The following MRPL36 variants were observed in gnomAD, a reference collection of about 807,000 sequenced individuals.
MRPL36 encodes mitochondrial ribosomal protein L36, also known as large ribosomal subunit protein bL36m.
Under a neutral mutation model 2.8 loss-of-function variants are expected in MRPL36, and 1 was observed. The observed-to-expected ratio is 0.36, with a 90% confidence interval of 0.13 to 1.69. The LOEUF is 1.69. Among genes scored for constraint, MRPL36 ranks in the 40% most tolerant of loss-of-function variants. MRPL36 has a pLI of 0.35. For synonymous variants in MRPL36, 68 were observed against 54.8 expected, an observed-to-expected ratio of 1.24 and a Z score of -1.06; for missense variants, 148 against 132.7, an observed-to-expected ratio of 1.12 and a Z score of -0.57.
Position 1,798,838 on chromosome 5 carries a change from G to A in MRPL36, c.98C>T (p.Ser33Phe), listed in dbSNP as rs1733930732. ...AGCCACGGGGGCTGCACCTCGAATGGATCCAAATAGAAATGTGGAGAGGGC... is the reference window on the plus strand; with the variant it reads ...AGCCACGGGGGCTGCACCTCGAATGAATCCAAATAGAAATGTGGAGAGGGC... ...PRALSTFLFG[S>F]IRGAAPVAVE... is the part of the protein sequence containing the mutation. Residue 33 changes from serine to phenylalanine, a missense_variant, in exon 2 of 2, where the codon TCC becomes TTC. Transcript: ENST00000505059. 18 of 1,613,940 alleles carry A rather than the reference G, an allele frequency of 1.1e-5. No homozygotes were observed. Among genetic ancestry groups the A allele is most frequent in the Middle Eastern group, 3.3e-4 (2 of 6,084 alleles).
upstream of MRPL36, among the ~76,000 whole-genome samples, chr5:1,801,081 T>A (rs539383719): frequency 6.6e-6 from 1 of 152,340 alleles, no homozygotes; most frequent in East Asian, 1.9e-4. Flanking sequence ...CGCACACCAT[T>A]GCCTGCCTCA....
chr5:1,800,532 GC>G (rs1189348797), upstream of MRPL36, among the ~76,000 whole-genome samples: 94 of 152,298 alleles, frequency 6.2e-4, 1 homozygote, highest in African/African-American at 2.2e-3. Flanking sequence ...GGACAAATCT[GC>G]CTCTGACCAC....
chr5:1,798,504 G>A lies in MRPL36; in HGVS notation c.*120C>T. 1.1e-6 allele frequency: 1 copy of A among 893,500 alleles called. No homozygotes were observed. Among genetic ancestry groups the A allele is most frequent in the Middle Eastern group, 2.3e-4 (1 of 4,300 alleles). 55.3% of individuals were successfully genotyped at this position (893,500 alleles called of 1,614,324 possible). A position where few individuals can be genotyped will look rare whatever the true frequency, so the allele number is the denominator to read the frequency against. On this transcript the variant is annotated 3_prime_UTR_variant, in exon 2 of 2. Transcript: ENST00000505059. ...CTGAAACGTGATGGGTAACTTTTAG[G>A]GCGTTTGCTTCCAGTCACTTTCCCC...
chr5:1,800,090 C>G (rs950215314), upstream of MRPL36, among the ~76,000 whole-genome samples: 1 of 152,226 alleles, frequency 6.6e-6, no homozygotes, highest in Non-Finnish European at 1.5e-5. Context: ...ATTACAACCA[C>G]TTAGGCCTTA....
chr5:1,801,286 A>T (rs1579936454), upstream of MRPL36: 3 of 1,345,572 alleles, frequency 2.2e-6, no homozygotes, highest in Non-Finnish European at 3.0e-6. Context: ...GCTCCGGCGC[A>T]CCCTCTGCCC....
At position 1,798,500 on chromosome 5, in the gene MRPL36, T is replaced by C; in HGVS notation, c.*124A>G. 1.1e-6 allele frequency: 1 copy of C among 871,466 alleles called. No individual in the cohort carries two copies. The highest frequency in any genetic ancestry group is 2.8e-5 in the Admixed American group (1 of 36,290). 54.0% of individuals were successfully genotyped at this position (871,466 alleles called of 1,614,324 possible). On this transcript the variant is annotated 3_prime_UTR_variant, in exon 2 of 2. Coordinates refer to ENST00000505059, the MANE Select transcript of MRPL36 (RefSeq NM_032479.4). ...TACACTGAAACGTGATGGGTAACTTTTAGGGCGTTTGCTTCCAGTCACTTT... is the reference window on the plus strand; with the variant it reads ...TACACTGAAACGTGATGGGTAACTTCTAGGGCGTTTGCTTCCAGTCACTTT...
chr5:1,800,970 T>C (rs1167528419), upstream of MRPL36, among the ~76,000 whole-genome samples: 1 of 152,212 alleles, frequency 6.6e-6, no homozygotes, highest in African/African-American at 2.4e-5. Flanking sequence ...CTCATGATTA[T>C]CGGTTACCAT....
rs201364735 is a variant in MRPL36 at position 1,798,593 on chromosome 5, G to A, written c.*31C>T. 114 of 1,570,060 alleles carry A rather than the reference G, an allele frequency of 7.3e-5. 1 individual carries two copies. The East Asian group carries it at 1.3e-3, about 18-fold the overall frequency. The stretch of plus-strand genomic sequence containing the variant: ...CCATTCTCCCAAGTGATGCGATGAC[G>A]AGTATGTGCGTGACTCTGGAGGGAA... On this transcript the variant is annotated 3_prime_UTR_variant, in exon 2 of 2. Coordinates refer to ENST00000505059, the MANE Select transcript of MRPL36 (RefSeq NM_032479.4).
Position 1,798,545 on chromosome 5 carries a change from A to G in MRPL36, c.*79T>C, listed in dbSNP as rs916603610. 4 of 1,435,614 alleles carry G rather than the reference A, an allele frequency of 2.8e-6. No homozygotes were observed. Among genetic ancestry groups the G allele is most frequent in the East Asian group, 2.3e-5 (1 of 43,436 alleles). The allele number at this position is 1,435,614 out of a possible 1,614,324, so 88.9% of individuals were successfully genotyped here. Reference sequence around the variant, plus strand: ...CACTTTCCCCTGACTCCTTGATGTGATAATTCCTTCCATAAGATACAACCA... The same window carrying G: ...CACTTTCCCCTGACTCCTTGATGTGGTAATTCCTTCCATAAGATACAACCA... On this transcript the variant is annotated 3_prime_UTR_variant, in exon 2 of 2. Coordinates refer to ENST00000505059, the MANE Select transcript of MRPL36 (RefSeq NM_032479.4).
chr5:1,798,995 C>T (rs982348993), intron 1 of MRPL36, 48 bp from the exon 2 acceptor site: 2 of 1,425,922 alleles, frequency 1.4e-6, no homozygotes, highest in South Asian at 1.4e-5. Flanking sequence ...TGCACTTCCA[C>T]CTGCTCTTTA....
Position 1,798,467 on chromosome 5 carries a change from T to A in MRPL36, c.*157A>T. On this transcript the variant is annotated 3_prime_UTR_variant, in exon 2 of 2. Coordinates refer to ENST00000505059, the MANE Select transcript of MRPL36 (RefSeq NM_032479.4). ...AAGATAACGCAATGTCTTCTATAGT[T>A]ACTCATTTACACTGAAACGTGATGG... 1.5e-6 allele frequency: 1 copy of A among 660,252 alleles called. No homozygotes were observed. The highest frequency in any genetic ancestry group is 2.0e-5 in the South Asian group (1 of 49,096). The allele number at this position is 660,252 out of a possible 1,614,324, so 40.9% of individuals were successfully genotyped here.
chr5:1,798,609 C>A lies in MRPL36; in HGVS notation c.*15G>T. ...TGCGATGACGAGTATGTGCGTGACT[C>A]TGGAGGGAAAGGGTCTACATCTGTC... On this transcript the variant is annotated 3_prime_UTR_variant, in exon 2 of 2. Transcript: ENST00000505059. 1 of 1,593,872 alleles carries A rather than the reference C, an allele frequency of 6.3e-7. No individual in the cohort carries two copies. Among genetic ancestry groups the A allele is most frequent in the Non-Finnish European group, 8.6e-7 (1 of 1,163,918 alleles).
chr5:1,799,247 T>G (rs1561099293), intron 1 of MRPL36: 2 of 267,528 alleles, frequency 7.5e-6, no homozygotes, highest in East Asian at 1.5e-4. Context: ...GGAGGGAGCT[T>G]AAACTTAGGC....
In MRPL36 at chr5:1,798,884, G is replaced by A. The variant is rs755315244; in HGVS notation, c.52C>T (p.Arg18Cys). The change falls in exon 2 of 2, where the codon CGT becomes TGT. Residue 18 changes from arginine to cysteine, a missense_variant. Coordinates refer to ENST00000505059, the MANE Select transcript of MRPL36 (RefSeq NM_032479.4). Reference protein sequence around the residue: ...KMVNPLLYLSRHTVKPRALST... With the variant: ...KMVNPLLYLSCHTVKPRALST... ...AGGGCTCGAGGCTTCACCGTGTGAC[G>A]ACTGAGATAGAGCAGAGGGTTCACC... 4.3e-6 allele frequency: 7 copies of A among 1,611,810 alleles called. No individual in the cohort carries two copies. In the Admixed American group the frequency reaches 6.7e-5, roughly 15 times the overall value.
At chr5:1,801,323 G>A (rs1249853963), upstream of MRPL36, 3 of 1,487,754 alleles carry the variant, frequency 2.0e-6, no homozygotes, top group Non-Finnish European at 2.7e-6. Context: ...CCCCCAGGGC[G>A]AAATAAATAC....
Position 1,798,961 on chromosome 5 carries a change from A to G in MRPL36, c.-12-14T>C, listed in dbSNP as rs115383505. 1.5e-3 allele frequency: 2,323 copies of G among 1,535,944 alleles called. 41 individuals carry two copies. The African/African-American group carries it at 0.029, about 19-fold the overall frequency. On this transcript the variant is annotated splice_polypyrimidine_tract_variant and intron_variant, in intron 1 of 1. Coordinates refer to ENST00000505059, the MANE Select transcript of MRPL36 (RefSeq NM_032479.4). ...GTTGTGGTGAATCTATGGGAGAGAG[A>G]AAAAAAGGAGTTATAGCTTCTCCTG...
upstream of MRPL36, chr5:1,801,218 G>T: frequency 1.3e-6 from 1 of 741,764 alleles, no homozygotes; most frequent in Non-Finnish European, 2.1e-6. Flanking sequence ...GTGTAATCAG[G>T]GGCATTTTTA....
In MRPL36 at chr5:1,798,868, G is replaced by A. The variant is rs1409357837; in HGVS notation, c.68C>T (p.Pro23Leu). Residue 23 changes from proline (P) to leucine (L), a missense_variant, in exon 2 of 2, where the codon CCT becomes CTT. Transcript: ENST00000505059. ...LLYLSRHTVK[P>L]RALSTFLFGS... ...AAATAGAAATGTGGAGAGGGCTCGAGGCTTCACCGTGTGACGACTGAGATA... is the reference window on the plus strand; with the variant it reads ...AAATAGAAATGTGGAGAGGGCTCGAAGCTTCACCGTGTGACGACTGAGATA... 6.2e-7 allele frequency: 1 copy of A among 1,613,006 alleles called. No individual in the cohort carries two copies. Among genetic ancestry groups the A allele is most frequent in the East Asian group, 2.2e-5 (1 of 44,864 alleles).
upstream of MRPL36, among the ~76,000 whole-genome samples, chr5:1,800,674 C>T (rs1358223184): frequency 6.6e-6 from 1 of 152,226 alleles, no homozygotes; most frequent in Non-Finnish European, 1.5e-5. Flanking sequence ...GTCACGTGGT[C>T]CTCAGGCTCT....
Sources: allele counts gnomAD v4.1 joint callset (sites outside exome capture counted in the v4.1 genomes callset), GRCh38; gene constraint gnomAD v4.1.1; transcripts MANE v1.5; gene names NCBI Gene and HGNC (gene_info 2026-07-23, HGNC 2026-07-21).